PLEKHM3: variants seen among roughly 807,000 people sequenced by gnomAD.
The protein encoded by PLEKHM3 is pleckstrin homology domain containing M3, also known as pleckstrin homology domain-containing family M member 3.
Under a neutral mutation model 81.8 loss-of-function variants are expected in PLEKHM3, and 45 were observed. That is an observed-to-expected ratio of 0.55 (90% CI 0.43 to 0.71). The LOEUF (loss-of-function observed/expected upper bound fraction) is 0.71. PLEKHM3 is among the 30% of genes least tolerant of loss of function. PLEKHM3 has a pLI of 0.00. For synonymous variants in PLEKHM3, 352 were observed against 356.4 expected (o/e 0.99, Z 0.14); for missense variants, 788 against 924.3 (o/e 0.85, Z 1.91).
At chr2:207,877,826 C>G (rs1280308743) in intron 6 of PLEKHM3, among the ~76,000 whole-genome samples, 1 of 152,198 alleles carries the variant, frequency 6.6e-6, no homozygotes, top group Non-Finnish European at 1.5e-5. Context: ...CCAGAAAGAT[C>G]TTATTAAAAT....
intron 2 of PLEKHM3, among the ~76,000 whole-genome samples, chr2:207,988,145 A>C (rs1691786740): frequency 6.6e-6 from 1 of 152,164 alleles, no homozygotes; most frequent in African/African-American, 2.4e-5. Context: ...CACTTTCCTC[A>C]AACACCTAAT....
Position 207,843,983 on chromosome 2 carries a change from T to C in PLEKHM3, c.2109-15487A>G, listed in dbSNP as rs2092368753. The stretch of plus-strand genomic sequence containing the variant: ...CTGTAGTCCCAGTTACCTGGGAGGC[T>C]GAGGCTGGAGGGTCACCTAAGCCTG... On this transcript the variant is annotated intron_variant, in intron 7 of 7. Coordinates refer to ENST00000427836, the MANE Select transcript of PLEKHM3 (RefSeq NM_001080475.3). This position sits in a 1 kb window ranked among gnomAD's most constrained non-coding sequence, Gnocchi z 4.4. Among the ~76,000 whole-genome samples, 1 of 151,882 alleles carries C rather than the reference T, an allele frequency of 6.6e-6. No individual in the cohort carries two copies. Among genetic ancestry groups the C allele is most frequent in the Non-Finnish European group, 1.5e-5 (1 of 67,960 alleles).
At chr2:208,022,777 T>C (rs896544208) in intron 1 of PLEKHM3, among the ~76,000 whole-genome samples, 3 of 152,226 alleles carry the variant, frequency 2.0e-5, no homozygotes, top group Non-Finnish European at 4.4e-5. Context: ...AATCTCACCA[T>C]TTTAAATTAA....
chr2:207,844,452 A>G (rs914494083), intron 7 of PLEKHM3, among the ~76,000 whole-genome samples: 1 of 69,882 alleles, frequency 1.4e-5, no homozygotes, highest in African/African-American at 4.9e-5. Flanking sequence ...ACAGGCGCCC[A>G]CCACCACGCC....
At chr2:207,887,944 T>C (rs1687930446) in intron 6 of PLEKHM3, among the ~76,000 whole-genome samples, 1 of 152,216 alleles carries the variant, frequency 6.6e-6, no homozygotes, top group South Asian at 2.1e-4. Context: ...CTAGACCCTA[T>C]ACTGGGCCTA....
intron 5 of PLEKHM3, among the ~76,000 whole-genome samples, chr2:207,924,388 A>G (rs1396838484): frequency 6.6e-6 from 1 of 152,062 alleles, no homozygotes; most frequent in Non-Finnish European, 1.5e-5. Flanking sequence ...AGATGACAAC[A>G]AAGTGCCCTG....
At chr2:207,988,825 T>A (rs1691806628) in intron 2 of PLEKHM3, among the ~76,000 whole-genome samples, 1 of 152,208 alleles carries the variant, frequency 6.6e-6, no homozygotes, top group Non-Finnish European at 1.5e-5. Flanking sequence ...TATCATCTTA[T>A]AACCCTTGTC....
At chr2:207,866,387 G>C (rs546029033) in intron 6 of PLEKHM3, among the ~76,000 whole-genome samples, 34 of 152,228 alleles carry the variant, frequency 2.2e-4, no homozygotes, top group African/African-American at 7.2e-4. Flanking sequence ...AAACTCCTGA[G>C]CTTGTGTGAT....
At chr2:207,924,642 G>GCCA (rs2105928775) in intron 5 of PLEKHM3, among the ~76,000 whole-genome samples, 1 of 152,192 alleles carries the variant, frequency 6.6e-6, no homozygotes, top group African/African-American at 2.4e-5. Flanking sequence ...CTGAGATCGC[G>GCCA]CCACTGCACT....
chr2:207,934,361 G>A (rs1299237441), intron 4 of PLEKHM3, among the ~76,000 whole-genome samples: 3 of 151,976 alleles, frequency 2.0e-5, no homozygotes, highest in South Asian at 2.1e-4. Context: ...GAATGGTTTC[G>A]GCTGGCACTC....
chr2:207,991,127 C>T (rs2106069010), intron 2 of PLEKHM3, among the ~76,000 whole-genome samples: 1 of 152,292 alleles, frequency 6.6e-6, no homozygotes, highest in Non-Finnish European at 1.5e-5. Flanking sequence ...CAAGCCTTAG[C>T]CTCTGTTGAG....
intron 2 of PLEKHM3, among the ~76,000 whole-genome samples, chr2:207,990,418 C>A (rs781772171): frequency 6.6e-6 from 1 of 152,184 alleles, no homozygotes; most frequent in South Asian, 2.1e-4. Flanking sequence ...TCAATGAAGA[C>A]TCCTCTGGCA....
intron 3 of PLEKHM3, among the ~76,000 whole-genome samples, chr2:207,964,755 T>C (rs1351495104): frequency 1.3e-5 from 2 of 152,216 alleles, no homozygotes; most frequent in East Asian, 1.9e-4. Flanking sequence ...TTCACGCTCT[T>C]TGGGTTTTTA....
chr2:208,025,190 A>G (rs1693288009), intron 1 of PLEKHM3, among the ~76,000 whole-genome samples, 199 bp downstream of exon 1: 1 of 152,200 alleles, frequency 6.6e-6, no homozygotes, highest in Non-Finnish European at 1.5e-5. Flanking sequence ...TAAGCAGACA[A>G]TGCATCATGT....
intron 6 of PLEKHM3, among the ~76,000 whole-genome samples, chr2:207,868,356 A>G (rs2092513791): frequency 6.6e-6 from 1 of 151,884 alleles, no homozygotes; most frequent in South Asian, 2.1e-4. Context: ...TGGTGGACTC[A>G]TTAGGGAGTC....
intron 6 of PLEKHM3, among the ~76,000 whole-genome samples, chr2:207,904,842 G>A (rs930185338): frequency 2.0e-5 from 3 of 152,126 alleles, no homozygotes; most frequent in Non-Finnish European, 4.4e-5. Flanking sequence ...AAAATTTTAG[G>A]CATTGTTACT....
At chr2:207,830,206 T>C (rs1439068686) in intron 7 of PLEKHM3, among the ~76,000 whole-genome samples, 1 of 152,140 alleles carries the variant, frequency 6.6e-6, no homozygotes, top group Non-Finnish European at 1.5e-5. Flanking sequence ...TTCACATCAA[T>C]TCCTGGCTGT....
intron 3 of PLEKHM3, among the ~76,000 whole-genome samples, chr2:207,956,974 G>T (rs1162073494): frequency 6.6e-6 from 1 of 151,930 alleles, no homozygotes; most frequent in African/African-American, 2.4e-5. Context: ...GGTGGTCTTG[G>T]AAACAGGAAG....
At chr2:207,923,237 T>G (rs1689245795) in intron 5 of PLEKHM3, among the ~76,000 whole-genome samples, 1 of 152,084 alleles carries the variant, frequency 6.6e-6, no homozygotes, top group African/African-American at 2.4e-5. Context: ...GTAGTACATA[T>G]GTTAGAGGGA....
Sources: gnomAD v4.1 joint callset for allele counts (sites outside exome capture counted in the v4.1 genomes callset) on GRCh38, gnomAD v4.1.1 for gene constraint, Gnocchi (gnomAD v3.1) non-coding constraint, MANE v1.5 for transcripts, NCBI Gene and HGNC (gene_info 2026-07-23, HGNC 2026-07-21) for gene names.